Variants in CNTN5 observed in about 807,000 individuals in gnomAD.
CNTN5 encodes the protein contactin-5.
A neutral mutation model predicts 129.1 loss-of-function variants in CNTN5; 77 were observed. That is an observed-to-expected ratio of 0.60 (90% CI 0.50 to 0.72). CNTN5 has a LOEUF of 0.72. Ranked by LOEUF, CNTN5 falls within the 30% of genes least tolerant of loss-of-function variation. CNTN5 has a pLI of 0.00. For synonymous variants in CNTN5, 509 were observed against 465.6 expected (o/e 1.09, Z -1.20); for missense variants, 1,478 against 1,328.8 (o/e 1.11, Z -1.75).
At chr11:99,868,472 A>G (rs1243129123) in intron 6 of CNTN5, among the ~76,000 whole-genome samples, 1 of 152,316 alleles carries the variant, frequency 6.6e-6, no homozygotes, top group East Asian at 1.9e-4. Flanking sequence ...GGCTTGGCCA[A>G]GGTTTCCTGG....
intron 1 of CNTN5, among the ~76,000 whole-genome samples, chr11:99,023,353 T>C (rs941461309): frequency 6.6e-6 from 1 of 152,196 alleles, no homozygotes; most frequent in Admixed American, 6.5e-5. Context: ...TCTCTTTTAC[T>C]TCACAGTTTA....
rs1949607842 is a variant in CNTN5 at position 99,909,804 on chromosome 11, C to T, written c.578-6250C>T. The stretch of plus-strand genomic sequence containing the variant: ...GGAAGGGGAACATCACACACCGGGG[C>T]CTGTTGTGGGGTGGGGGGAGAGGGG... On this transcript the variant is annotated intron_variant, in intron 6 of 24. Transcript: ENST00000524871. Among the ~76,000 whole-genome samples the T allele has an allele frequency of 2.0e-5, 3 of 151,542 alleles. No homozygotes were observed. In the South Asian group the frequency reaches 6.2e-4, roughly 32 times the overall value.
At chr11:99,023,770 A>G (rs1034957894) in intron 1 of CNTN5, among the ~76,000 whole-genome samples, 66 of 152,326 alleles carry the variant, frequency 4.3e-4, no homozygotes, top group African/African-American at 1.6e-3. Context: ...TTCTTTTAAA[A>G]TACGGGTTTT....
Position 100,067,524 on chromosome 11 carries a change from G to A in CNTN5, c.1163-2900G>A, listed in dbSNP as rs1943744429. Among the ~76,000 whole-genome samples, 3 of 151,222 alleles carry A rather than the reference G, an allele frequency of 2.0e-5. No homozygotes were observed. The South Asian group carries it at 6.3e-4, about 32-fold the overall frequency. ...GCAACATAGAGATAAAGCTACAGAA[G>A]TATAGCTCTTACACATAACAACATA... On this transcript the variant is annotated intron_variant, in intron 10 of 24. Transcript: ENST00000524871.
At chr11:99,564,326 G>A (rs974251786) in intron 3 of CNTN5, among the ~76,000 whole-genome samples, 2 of 151,956 alleles carry the variant, frequency 1.3e-5, no homozygotes, top group African/African-American at 4.8e-5. Context: ...GGCCTCAAGC[G>A]ATCCTCCTGC....
Position 99,318,814 on chromosome 11 carries a change from C to A in CNTN5, c.-209-6532C>A, listed in dbSNP as rs564464950. Among the ~76,000 whole-genome samples the A allele has an allele frequency of 4.6e-5, 7 of 152,224 alleles. No individual in the cohort carries two copies. The East Asian group carries it at 1.4e-3, about 29-fold the overall frequency. ...GGAATTATGGTGATCCACCTGGTAT[C>A]ATTAAACATTGACTCCATATCATGA... On this transcript the variant is annotated intron_variant, in intron 1 of 24. Coordinates refer to ENST00000524871, the MANE Select transcript of CNTN5 (RefSeq NM_014361.4).
At chr11:99,714,493 T>A (rs1246495908) in intron 3 of CNTN5, among the ~76,000 whole-genome samples, 2 of 151,970 alleles carry the variant, frequency 1.3e-5, no homozygotes, top group Admixed American at 1.3e-4. Flanking sequence ...GTTTAACTTA[T>A]TTTTTGGATA....
At chr11:100,308,204 AAGG>A (rs1834101427) in intron 20 of CNTN5, among the ~76,000 whole-genome samples, 152 bp from the exon 21 acceptor site, 1 of 151,834 alleles carries the variant, frequency 6.6e-6, no homozygotes, top group Non-Finnish European at 1.5e-5. Context: ...AGAAATCCAA[AAGG>A]ATCACCTTTA....
At chr11:99,685,320 A>G (rs975281726) in intron 3 of CNTN5, among the ~76,000 whole-genome samples, 3 of 151,872 alleles carry the variant, frequency 2.0e-5, no homozygotes, top group African/African-American at 7.2e-5. Context: ...TACTATTACA[A>G]TTAGAAAATA....
chr11:99,970,338 C>T (rs928440794), intron 8 of CNTN5, among the ~76,000 whole-genome samples: 1 of 152,174 alleles, frequency 6.6e-6, no homozygotes. Context: ...TGTAACGCCA[C>T]TTATTGAATG....
chr11:99,490,400 A>T (rs1431858156), intron 2 of CNTN5, among the ~76,000 whole-genome samples: 1 of 152,190 alleles, frequency 6.6e-6, no homozygotes, highest in African/African-American at 2.4e-5. Flanking sequence ...CATAATTTTT[A>T]TTTGACCATA....
At chr11:99,652,012 C>G (rs1952175922) in intron 3 of CNTN5, among the ~76,000 whole-genome samples, 1 of 152,060 alleles carries the variant, frequency 6.6e-6, no homozygotes, top group African/African-American at 2.4e-5. Context: ...AATGCATTAT[C>G]TCAAAGTTTC....
chr11:99,115,220 G>A (rs956451828), intron 1 of CNTN5, among the ~76,000 whole-genome samples: 3 of 152,052 alleles, frequency 2.0e-5, no homozygotes, highest in Non-Finnish European at 4.4e-5. Context: ...GCTAGGTTCT[G>A]GCTTTTCCTG....
intron 1 of CNTN5, among the ~76,000 whole-genome samples, chr11:99,156,328 A>G (rs879617462): frequency 2.6e-5 from 4 of 152,064 alleles, no homozygotes; most frequent in Admixed American, 6.5e-5. Context: ...ATCAGAAAAC[A>G]TCAATTAAAA....
chr11:99,786,457 C>T (rs1945527545), intron 3 of CNTN5, among the ~76,000 whole-genome samples: 1 of 152,086 alleles, frequency 6.6e-6, no homozygotes, highest in Admixed American at 6.6e-5. Flanking sequence ...CAATGCTATT[C>T]CCATCAAGCT....
At chr11:99,534,372 G>A (rs984521322) in intron 2 of CNTN5, among the ~76,000 whole-genome samples, 1 of 152,144 alleles carries the variant, frequency 6.6e-6, no homozygotes, top group African/African-American at 2.4e-5. Context: ...ATTTTAATGA[G>A]ATTTTCATTT....
intron 2 of CNTN5, among the ~76,000 whole-genome samples, chr11:99,381,747 A>T (rs1206896248): frequency 1.3e-5 from 2 of 152,154 alleles, no homozygotes; most frequent in East Asian, 3.8e-4. Flanking sequence ...AACAATTTTA[A>T]TGGTTTTCTT....
intron 3 of CNTN5, among the ~76,000 whole-genome samples, chr11:99,780,856 A>G (rs1311839236): frequency 6.6e-6 from 1 of 152,102 alleles, no homozygotes; most frequent in Non-Finnish European, 1.5e-5. Context: ...ATGTGTTAAG[A>G]TCACAGTGGG....
chr11:99,774,077 T>C (rs1290224380), intron 3 of CNTN5, among the ~76,000 whole-genome samples: 1 of 152,062 alleles, frequency 6.6e-6, no homozygotes, highest in Non-Finnish European at 1.5e-5. Context: ...TTAATCTCCT[T>C]TTTAAGTTTG....
Sources: gnomAD v4.1 joint callset for allele counts (sites outside exome capture counted in the v4.1 genomes callset) on GRCh38, gnomAD v4.1.1 for gene constraint, MANE v1.5 for transcripts, NCBI Gene and HGNC (gene_info 2026-07-23, HGNC 2026-07-21) for gene names.